Variants in FRMPD4 observed in about 807,000 individuals in gnomAD.
FRMPD4 encodes FERM and PDZ domain containing 4, also known as FERM and PDZ domain-containing protein 4.
In FRMPD4, 22 loss-of-function variants were observed where a neutral mutation model predicts 94.1. The observed-to-expected ratio is 0.23, with a 90% CI of 0.17 to 0.33. FRMPD4 has a LOEUF of 0.33. Ranked by LOEUF, FRMPD4 falls within the 10% of genes least tolerant of loss-of-function variation. The probability of loss-of-function intolerance (pLI) is 1.00; values close to 1 mark genes in which losing one functional copy is unlikely to be tolerated. For synonymous variants in FRMPD4, 631 were observed against 548.6 expected, an observed-to-expected ratio of 1.15 and a Z score of -2.10; for missense variants, 1,111 against 1,339.9, an observed-to-expected ratio of 0.83 and a Z score of 2.67.
At chrX:11,825,679 A>G (rs1358948950) in intron 1 of FRMPD4, among the ~76,000 whole-genome samples, 1 of 112,049 alleles carries the variant, frequency 8.9e-6, no homozygotes, top group African/African-American at 3.2e-5. Context: ...AAAAGAACAC[A>G]GAAAAGGAGT....
chrX:11,876,000 G>C (rs902804750), intron 2 of FRMPD4, among the ~76,000 whole-genome samples: 26 of 104,371 alleles, frequency 2.5e-4, no homozygotes, highest in Non-Finnish European at 3.7e-4. Context: ...CTCAGCCTCC[G>C]GAGTAGCTGG....
chrX:11,880,835 G>T (rs912779636), intron 3 of FRMPD4, among the ~76,000 whole-genome samples: 1 of 111,186 alleles, frequency 9.0e-6, no homozygotes, highest in African/African-American at 3.3e-5. Flanking sequence ...TAGAGATGGG[G>T]TTTCACCATG....
At chrX:12,528,690 C>T (rs774672683) in intron 2 of FRMPD4, among the ~76,000 whole-genome samples, 1 of 111,419 alleles carries the variant, frequency 9.0e-6, no homozygotes, top group Non-Finnish European at 1.9e-5. Context: ...CTGCACTGGG[C>T]TCCTCATATT....
At chrX:12,310,039 A>G (rs5935295) in intron 1 of FRMPD4, among the ~76,000 whole-genome samples, 46,952 of 110,940 alleles carry the variant, frequency 0.42, 7,557 homozygotes, top group African/African-American at 0.58. Context: ...ATGCACGTCC[A>G]TGTGAAGAGA....
chrX:12,377,766 A>G (rs1223791872), intron 1 of FRMPD4, among the ~76,000 whole-genome samples: 1 of 112,801 alleles, frequency 8.9e-6, no homozygotes. Flanking sequence ...GCAGAAGTGC[A>G]GTGGGTGCTG....
rs189505173 is a variant in FRMPD4, at chrX:12,693,492, C to G, written c.814-843C>G. On this transcript the variant is annotated intron_variant, in intron 8 of 16. Coordinates refer to ENST00000675598, the MANE Select transcript of FRMPD4 (RefSeq NM_001368397.1). ...GCCATGGTCCTTAACCCTGAAGAAC[C>G]TGTGGTATATTTTAAGCTCCATTGA... is the stretch of plus-strand genomic sequence containing the variant. 4.8e-3 allele frequency among the ~76,000 whole-genome samples: 542 copies of G among 111,940 alleles called. 5 individuals carry two copies. Among genetic ancestry groups the G allele is most frequent in the African/African-American group, 0.017 (518 of 30,754 alleles).
At chrX:11,863,449 T>A (rs886517329) in intron 1 of FRMPD4, among the ~76,000 whole-genome samples, 4 of 111,479 alleles carry the variant, frequency 3.6e-5, no homozygotes, top group African/African-American at 1.3e-4. Flanking sequence ...TTATTTACAT[T>A]GCATGAATTT....
chrX:11,955,483 AATGTATGTATGT>A (rs61232615), intron 3 of FRMPD4, among the ~76,000 whole-genome samples: 1 of 107,928 alleles, frequency 9.3e-6, no homozygotes, highest in Non-Finnish European at 1.9e-5. Flanking sequence ...TAAATAAATA[AATGTATGTATGT>A]ATGTATGTAT....
intron 1 of FRMPD4, among the ~76,000 whole-genome samples, chrX:12,457,149 T>C (rs2057342075): frequency 8.9e-6 from 1 of 112,322 alleles, no homozygotes; most frequent in African/African-American, 3.2e-5. Context: ...TTGCAGCTGG[T>C]TTTTGACAAA....
At chrX:12,614,967 C>A in intron 4 of FRMPD4, 86 bp downstream of exon 4, 1 of 459,156 alleles carries the variant, frequency 2.2e-6, no homozygotes, top group Admixed American at 3.5e-5. Flanking sequence ...GAAGAGCCTC[C>A]TGTGGGACAA....
At chrX:12,450,004 A>G (rs1012831562) in intron 1 of FRMPD4, among the ~76,000 whole-genome samples, 4 of 110,665 alleles carry the variant, frequency 3.6e-5, no homozygotes, top group Non-Finnish European at 5.7e-5. Flanking sequence ...AAAAGAAAAA[A>G]AAAGAAATTA....
intron 1 of FRMPD4, among the ~76,000 whole-genome samples, chrX:12,414,270 T>C: frequency 8.9e-6 from 1 of 112,543 alleles, no homozygotes; most frequent in South Asian, 3.6e-4. Flanking sequence ...AACTTTGATC[T>C]GCCCATTTTC....
Position 12,620,354 on chromosome X carries a change from C to T in FRMPD4, c.422+5473C>T, listed in dbSNP as rs181261559. Among the ~76,000 whole-genome samples, 124 of 112,262 alleles carry T rather than the reference C, an allele frequency of 1.1e-3. 2 individuals carry two copies. The East Asian group carries it at 0.029, about 26-fold the overall frequency. On this transcript the variant is annotated intron_variant, in intron 4 of 16. Coordinates refer to ENST00000675598, the MANE Select transcript of FRMPD4 (RefSeq NM_001368397.1). ...ATCTGTGTCCCCAGAAGCAGGCCTG[C>T]GGATCTTGATCTTGACTGTGGACCC...
At chrX:12,078,748 C>T (rs1369890942) in intron 3 of FRMPD4, among the ~76,000 whole-genome samples, 1 of 111,453 alleles carries the variant, frequency 9.0e-6, no homozygotes, top group Non-Finnish European at 1.9e-5. Flanking sequence ...TGGAGCACTA[C>T]CCTGCGCATT....
At chrX:12,317,585 C>CAAAAAAAAAAAAAAAAAAAAAAAAAAA (rs376884335) in intron 1 of FRMPD4, among the ~76,000 whole-genome samples, 5 of 42,449 alleles carry the variant, frequency 1.2e-4, no homozygotes, top group African/African-American at 4.2e-4. Context: ...AACTAAATAG[C>CAAAAAAAAAAAAAAAAAAAAAAAAAAA]AAAAAAAAAA....
At chrX:12,691,916 G>A (rs1220761358) in intron 8 of FRMPD4, among the ~76,000 whole-genome samples, 1 of 110,520 alleles carries the variant, frequency 9.0e-6, no homozygotes, top group Non-Finnish European at 1.9e-5. Context: ...TGTTATTGGG[G>A]TTTGCCTTGT....
At chrX:11,893,024 A>G (rs1314578573) in intron 3 of FRMPD4, among the ~76,000 whole-genome samples, 1 of 112,557 alleles carries the variant, frequency 8.9e-6, no homozygotes, top group East Asian at 2.8e-4. Flanking sequence ...AGTTGCAAAG[A>G]TAGCACAGAT....
chrX:12,000,831 C>A (rs1253526310), intron 3 of FRMPD4, among the ~76,000 whole-genome samples: 1 of 112,003 alleles, frequency 8.9e-6, no homozygotes, highest in East Asian at 2.8e-4. Context: ...AAAATTGCGT[C>A]TTTCATTTCT....
intron 1 of FRMPD4, among the ~76,000 whole-genome samples, chrX:12,369,203 CTTTTAT>C (rs1260193440): frequency 3.7e-5 from 4 of 109,109 alleles, no homozygotes; most frequent in Non-Finnish European, 3.8e-5. Flanking sequence ...TAATCTTAAA[CTTTTAT>C]TTTAATTTTT....
Sources: gnomAD v4.1 joint callset for allele counts (sites outside exome capture counted in the v4.1 genomes callset) on GRCh38, gnomAD v4.1.1 for gene constraint, MANE v1.5 for transcripts, NCBI Gene and HGNC (gene_info 2026-07-23, HGNC 2026-07-21) for gene names.